Variants in GPX7 observed in about 807,000 individuals in gnomAD.
GPX7 encodes protein peroxidase GPX7.
In GPX7, 21 loss-of-function variants were observed where a neutral mutation model predicts 23.7. The ratio of observed to expected loss-of-function variants is 0.89; its 90% CI spans 0.63 to 1.28. The LOEUF is 1.28. GPX7 is among the 50% of genes most tolerant of loss of function. The probability of loss-of-function intolerance (pLI) is 0.00; values close to 1 mark genes in which losing one functional copy is unlikely to be tolerated. For synonymous variants in GPX7, 112 were observed against 101.8 expected (o/e 1.10, Z -0.61); for missense variants, 238 against 237.3 (o/e 1.00, Z -0.02).
rs1256144542 is a variant in GPX7, at chr1:52,606,919, C to T, written c.374C>T (p.Ala125Val). 1 of 1,614,208 alleles carries T rather than the reference C, an allele frequency of 6.2e-7. No individual in the cohort carries two copies. The highest frequency in any genetic ancestry group is 8.5e-7 in the Non-Finnish European group (1 of 1,180,014). Residue 125 changes from alanine to valine, a missense_variant, in exon 2 of 3, where the codon GCC becomes GTC. Physicochemically the swap from Ala to Val is moderately conservative, Grantham distance 64. Transcript: ENST00000361314. ...AAGATTGCAGTCACCGGTACTGGTG[C>T]CCATCCTGCCTTCAAGTACCTGGCC... The part of the protein sequence containing the change: ...FSKIAVTGTG[A>V]HPAFKYLAQT...
rs1157607942 is a variant in GPX7 at position 52,608,538 on chromosome 1, C to T, written c.*113C>T. On this transcript the variant is annotated 3_prime_UTR_variant, in exon 3 of 3. Coordinates refer to ENST00000361314, the MANE Select transcript of GPX7 (RefSeq NM_015696.5). ...ACCCACTGACTCTCCTTCCTTTACT[C>T]TTATGCCATTGGTCCCATCATTCTT... 1 of 852,638 alleles carries T rather than the reference C, an allele frequency of 1.2e-6. No homozygotes were observed. Among genetic ancestry groups the T allele is most frequent in the Non-Finnish European group, 1.7e-6 (1 of 583,524 alleles). 52.8% of individuals were successfully genotyped at this position (852,638 alleles called of 1,614,324 possible).
chr1:52,603,160 T>G (rs1690820163), intron 1 of GPX7, among the ~76,000 whole-genome samples: 1 of 152,042 alleles, frequency 6.6e-6, no homozygotes, highest in South Asian at 2.1e-4. Flanking sequence ...CACCGCCACA[T>G]CCGGGGTCCT....
intron 1 of GPX7, among the ~76,000 whole-genome samples, chr1:52,605,007 T>C (rs973913046): frequency 3.7e-5 from 5 of 135,742 alleles, no homozygotes; most frequent in Non-Finnish European, 7.6e-5. Flanking sequence ...ATCGCGCCAC[T>C]GCACTCCAGC....
At chr1:52,603,913 G>T (rs1690827456) in intron 1 of GPX7, among the ~76,000 whole-genome samples, 1 of 152,162 alleles carries the variant, frequency 6.6e-6, no homozygotes, top group Non-Finnish European at 1.5e-5. Context: ...CAGGCCTCCT[G>T]TTCTCTCTAG....
At chr1:52,607,029 G>A in intron 2 of GPX7, 84 bp downstream of exon 2, 2 of 1,497,262 alleles carry the variant, frequency 1.3e-6, no homozygotes, top group Non-Finnish European at 1.8e-6. Context: ...CCACTGGCTG[G>A]TTGGGTGACC....
intron 1 of GPX7, 80 bp from the exon 2 acceptor site, chr1:52,606,604 G>A: frequency 6.7e-7 from 1 of 1,486,260 alleles, no homozygotes; most frequent in Non-Finnish European, 9.1e-7. Flanking sequence ...TCACATATGT[G>A]GATGTGTCAG....
chr1:52,603,353 G>A (rs1690821991), intron 1 of GPX7, among the ~76,000 whole-genome samples: 1 of 152,104 alleles, frequency 6.6e-6, no homozygotes, highest in South Asian at 2.1e-4. Context: ...AGCAAGAAGG[G>A]GGTGGGGGGG....
chr1:52,606,305 C>T (rs1690851236), intron 1 of GPX7, among the ~76,000 whole-genome samples: 1 of 152,156 alleles, frequency 6.6e-6, no homozygotes, highest in Non-Finnish European at 1.5e-5. Context: ...TATGTGCTCA[C>T]CAGTATGTGT....
chr1:52,608,434 TCTC>T lies in GPX7; in HGVS notation c.*17_*19del, dbSNP rs781488372. Reference sequence around the variant, plus strand: ...AGCGAGAAGACTTATAACCACCGCGTCTCCTCCTCCACCACCTCATCCCGCCCA... The same window carrying T: ...AGCGAGAAGACTTATAACCACCGCGTCTCCTCCACCACCTCATCCCGCCCA... On this transcript the variant is annotated 3_prime_UTR_variant, in exon 3 of 3. Transcript: ENST00000361314. 1.3e-6 allele frequency: 2 copies of T among 1,595,146 alleles called. No individual in the cohort carries two copies. Among genetic ancestry groups the T allele is most frequent in the Admixed American group, 1.8e-5 (1 of 57,126 alleles).
At chr1:52,607,069 A>G (rs1970950) in intron 2 of GPX7, 124 bp downstream of exon 2, 670,660 of 893,122 alleles carry the variant, frequency 0.75, 252,887 homozygotes, top group African/African-American at 0.88. Flanking sequence ...TGATCATCTC[A>G]GGTGGACTGA....
At chr1:52,602,595 G>C (rs1690811623) in intron 1 of GPX7, 48 bp downstream of exon 1, 1 of 1,326,500 alleles carries the variant, frequency 7.5e-7, no homozygotes, top group African/African-American at 1.6e-5. Flanking sequence ...CCTCGCCCTG[G>C]CGGGGCCTGC....
At chr1:52,607,285 C>T (rs1690864972) in intron 2 of GPX7, 1 of 292,552 alleles carries the variant, frequency 3.4e-6, no homozygotes, top group Non-Finnish European at 6.4e-6. Context: ...AGTTTATGGA[C>T]ATATGATGGA....
chr1:52,603,162 C>T (rs182007252), intron 1 of GPX7, among the ~76,000 whole-genome samples: 86 of 152,268 alleles, frequency 5.6e-4, no homozygotes, highest in African/African-American at 2.0e-3. Flanking sequence ...CCGCCACATC[C>T]GGGGTCCTCT....
intron 1 of GPX7, among the ~76,000 whole-genome samples, chr1:52,606,257 C>G (rs1454347947): frequency 6.6e-6 from 1 of 152,132 alleles, no homozygotes; most frequent in Non-Finnish European, 1.5e-5. Context: ...AAAATTGAGC[C>G]CAGGTCTCCC....
At chr1:52,603,934 C>A in intron 1 of GPX7, among the ~76,000 whole-genome samples, 1 of 152,152 alleles carries the variant, frequency 6.6e-6, no homozygotes, top group East Asian at 1.9e-4. Context: ...GGCAGCTCAC[C>A]AGAGAGCCCC....
Position 52,608,302 on chromosome 1 carries a change from C to A in GPX7, c.441C>A (p.Tyr147Ter), listed in dbSNP as rs1027800896. The A allele has an allele frequency of 2.2e-5, 35 of 1,613,564 alleles. No individual in the cohort carries two copies. The highest frequency in any genetic ancestry group is 2.9e-5 in the Non-Finnish European group (34 of 1,179,864). Residue 147 changes from tyrosine to a stop codon, truncating the protein, a stop_gained, in exon 3 of 3, where the codon TAC (tyrosine) becomes TAA (stop). Coordinates refer to ENST00000361314, the MANE Select transcript of GPX7 (RefSeq NM_015696.5). LOFTEE classifies it high-confidence loss of function. ...AGCCCACCTGGAACTTCTGGAAGTA[C>A]CTAGTAGCCCCAGATGGAAAGGTGG... ...GKEPTWNFWKYLVAPDGKVVG... is the reference protein window; with the variant it reads ...GKEPTWNFWK
At position 52,606,753 on chromosome 1, in the gene GPX7, C is replaced by G. The variant is rs140026272; in HGVS notation, c.208C>G (p.Leu70Val). 1 of 1,614,072 alleles carries G rather than the reference C, an allele frequency of 6.2e-7. No individual in the cohort carries two copies. The highest frequency in any genetic ancestry group is 1.3e-5 in the African/African-American group (1 of 74,918). The change falls in exon 2 of 3, where the codon CTG becomes GTG. Residue 70 changes from leucine to valine, a missense_variant. By Grantham distance (32) the Leu-to-Val change is conservative. Coordinates refer to ENST00000361314, the MANE Select transcript of GPX7 (RefSeq NM_015696.5). ...TDQHYRALQQ[L>V]QRDLGPHHFN... ...CCAGCACTACCGAGCCCTGCAGCAG[C>G]TGCAGCGAGACCTGGGCCCCCACCA...
chr1:52,604,808 G>A (rs1690837444), intron 1 of GPX7, among the ~76,000 whole-genome samples: 1 of 152,180 alleles, frequency 6.6e-6, no homozygotes, highest in Admixed American at 6.5e-5. Context: ...ACTTCAGGAG[G>A]CTGAGGCGGG....
rs1156499726 is a variant in GPX7 at position 52,608,385 on chromosome 1, T to C, written c.524T>C (p.Leu175Pro). 6.2e-7 allele frequency: 1 copy of C among 1,613,638 alleles called. No homozygotes were observed. Among genetic ancestry groups the C allele is most frequent in the East Asian group, 2.2e-5 (1 of 44,852 alleles). Reference protein sequence around the residue: ...VEEVRPQITALVRKLILLKRE... With the variant: ...VEEVRPQITAPVRKLILLKRE... Reference sequence around the variant, plus strand: ...GAGGTCAGACCCCAGATCACAGCGCTCGTGAGGAAGCTCATCCTACTGAAG... The same window carrying C: ...GAGGTCAGACCCCAGATCACAGCGCCCGTGAGGAAGCTCATCCTACTGAAG... Residue 175 changes from leucine (L) to proline (P), a missense_variant, in exon 3 of 3, where the codon CTC (leucine) becomes CCC (proline). By Grantham distance (98) the Leu-to-Pro change is moderately conservative. Coordinates refer to ENST00000361314, the MANE Select transcript of GPX7 (RefSeq NM_015696.5).
Sources: allele counts gnomAD v4.1 joint callset (sites outside exome capture counted in the v4.1 genomes callset), GRCh38; gene constraint gnomAD v4.1.1; transcripts MANE v1.5; gene names NCBI Gene and HGNC (gene_info 2026-07-23, HGNC 2026-07-21).